Variants in DACH1 observed in about 807,000 individuals in gnomAD.
DACH1 encodes dachshund family transcription factor 1, also known as dachshund homolog 1.
DACH1 carries 12 observed loss-of-function variants against 54.2 expected under a neutral mutation model. The observed-to-expected ratio is 0.22, with a 90% CI of 0.14 to 0.36. The LOEUF (loss-of-function observed/expected upper bound fraction) is 0.36. Among genes scored for constraint, DACH1 ranks in the 10% least tolerant of loss-of-function variants. The pLI, the probability that DACH1 is intolerant of heterozygous loss-of-function variation, is 1.00. For synonymous variants in DACH1, 386 were observed against 366.2 expected (o/e 1.05, Z -0.62); for missense variants, 805 against 929.8 (o/e 0.87, Z 1.75).
intron 1 of DACH1, chr13:71,704,528 C>A: frequency 2.5e-6 from 1 of 394,284 alleles, no homozygotes; most frequent in South Asian, 2.3e-5. Context: ...CAGAAGGAAG[C>A]CAAAGAGAAA....
intron 6 of DACH1, among the ~76,000 whole-genome samples, chr13:71,528,492 ATTTC>A (rs1882171017): frequency 1.6e-5 from 2 of 128,272 alleles, no homozygotes; most frequent in African/African-American, 6.0e-5. Flanking sequence ...CAGTGGCGTG[ATTTC>A]GGCTCACTTC....
chr13:71,819,283 T>A (rs896524263), intron 1 of DACH1, among the ~76,000 whole-genome samples: 1 of 152,220 alleles, frequency 6.6e-6, no homozygotes, highest in Admixed American at 6.5e-5. Flanking sequence ...GATATCCAGC[T>A]GGCACTTTGC....
At chr13:71,692,281 C>T (rs1369112820) in intron 1 of DACH1, among the ~76,000 whole-genome samples, 9 of 152,026 alleles carry the variant, frequency 5.9e-5, no homozygotes, top group African/African-American at 2.2e-4. Flanking sequence ...ATTTCCCCAT[C>T]CTTAGCATGG....
intron 6 of DACH1, among the ~76,000 whole-genome samples, chr13:71,495,367 A>C (rs903523896): frequency 1.3e-5 from 2 of 151,944 alleles, no homozygotes; most frequent in Non-Finnish European, 2.9e-5. Context: ...ATTACTTATA[A>C]AAATATAAAA....
At chr13:71,698,088 A>G (rs1881923854) in intron 1 of DACH1, among the ~76,000 whole-genome samples, 1 of 152,160 alleles carries the variant, frequency 6.6e-6, no homozygotes, top group Non-Finnish European at 1.5e-5. Flanking sequence ...TAAAAGACGG[A>G]TAATTATTGC....
intron 2 of DACH1, among the ~76,000 whole-genome samples, chr13:71,657,193 T>G (rs1594057303): frequency 6.6e-6 from 1 of 151,762 alleles, no homozygotes; most frequent in Admixed American, 6.6e-5. Flanking sequence ...TTGCGGAAAA[T>G]AAATTACAGT....
chr13:71,841,904 A>G (rs773365745), intron 1 of DACH1, among the ~76,000 whole-genome samples: 11 of 152,220 alleles, frequency 7.2e-5, no homozygotes, highest in African/African-American at 1.4e-4. Context: ...ATGCCATCTC[A>G]TAATTCATAA....
intron 2 of DACH1, among the ~76,000 whole-genome samples, chr13:71,672,688 A>T (rs974265923): frequency 2.6e-5 from 4 of 152,146 alleles, no homozygotes; most frequent in Admixed American, 6.5e-5. Context: ...TATTTCTCGC[A>T]TTTCTTGGTT....
chr13:71,457,253 C>A (rs531671192), intron 10 of DACH1, among the ~76,000 whole-genome samples: 1 of 151,918 alleles, frequency 6.6e-6, no homozygotes, highest in Non-Finnish European at 1.5e-5. Context: ...GGACTGGTAT[C>A]CAACATATTG....
chr13:71,813,631 A>G (rs750740876), intron 1 of DACH1, among the ~76,000 whole-genome samples: 22 of 152,206 alleles, frequency 1.4e-4, no homozygotes, highest in South Asian at 6.2e-4. Flanking sequence ...AACCTATAAT[A>G]TGATCTCATT....
chr13:71,840,982 A>G (rs138819718), intron 1 of DACH1, among the ~76,000 whole-genome samples: 1,600 of 152,318 alleles, frequency 0.011, 24 homozygotes, highest in African/African-American at 0.035. Flanking sequence ...CAGTTGTTTT[A>G]CCAGCCCAAG....
chr13:71,762,485 G>A (rs950413427), intron 1 of DACH1, among the ~76,000 whole-genome samples: 27 of 152,046 alleles, frequency 1.8e-4, no homozygotes, highest in African/African-American at 4.8e-5. Flanking sequence ...TAGGTCCGGC[G>A]TGGTGGCTCA....
intron 1 of DACH1, among the ~76,000 whole-genome samples, chr13:71,706,568 A>T (rs1882459766): frequency 6.6e-6 from 1 of 152,182 alleles, no homozygotes; most frequent in African/African-American, 2.4e-5. Context: ...CTGGCTTGAT[A>T]CAAAAATAAA....
chr13:71,677,792 T>C (rs767496499), intron 2 of DACH1, among the ~76,000 whole-genome samples: 2 of 152,154 alleles, frequency 1.3e-5, no homozygotes, highest in East Asian at 3.9e-4. Context: ...CGATCTCGGC[T>C]CACTGCAAAC....
intron 6 of DACH1, among the ~76,000 whole-genome samples, chr13:71,514,785 A>G (rs1457668673): frequency 6.6e-6 from 1 of 151,930 alleles, no homozygotes; most frequent in Non-Finnish European, 1.5e-5. Flanking sequence ...ATTCAAAATG[A>G]ACAAAAAGGA....
At chr13:71,736,118 C>T (rs1483227421) in intron 1 of DACH1, among the ~76,000 whole-genome samples, 2 of 152,078 alleles carry the variant, frequency 1.3e-5, no homozygotes, top group African/African-American at 2.4e-5. Flanking sequence ...TAGACATCAA[C>T]CCCAAGCAAT....
intron 1 of DACH1, among the ~76,000 whole-genome samples, chr13:71,737,618 T>G (rs1025729061): frequency 6.6e-6 from 1 of 152,156 alleles, no homozygotes; most frequent in East Asian, 1.9e-4. Context: ...TACTGAAGGT[T>G]TTTGGAGGAG....
chr13:71,649,613 T>C (rs1228207708), intron 2 of DACH1, among the ~76,000 whole-genome samples: 3 of 152,112 alleles, frequency 2.0e-5, no homozygotes, highest in African/African-American at 7.2e-5. Context: ...ACAAACACCA[T>C]ATAGAAACTA....
intron 2 of DACH1, among the ~76,000 whole-genome samples, chr13:71,659,134 G>A (rs1007045363): frequency 6.6e-6 from 1 of 152,086 alleles, no homozygotes; most frequent in Admixed American, 6.6e-5. Flanking sequence ...ACTTAACTAT[G>A]AGACAGAAAT....
Sources: gnomAD v4.1 joint callset for allele counts (sites outside exome capture counted in the v4.1 genomes callset) on GRCh38, gnomAD v4.1.1 for gene constraint, MANE v1.5 for transcripts, NCBI Gene and HGNC (gene_info 2026-07-23, HGNC 2026-07-21) for gene names.